The following STK32A variants were observed in gnomAD, a reference collection of about 807,000 sequenced individuals.
STK32A encodes serine/threonine kinase 32A.
STK32A carries 41 observed loss-of-function variants against 53.2 expected under a neutral mutation model. The ratio of observed to expected loss-of-function variants is 0.77; its 90% confidence interval spans 0.60 to 1.00. The LOEUF is 1.00. Ranked by LOEUF, STK32A falls within the 50% of genes least tolerant of loss-of-function variation. The pLI is 0.00. For missense variants in STK32A, 458 were observed against 485.8 expected (o/e 0.94, Z 0.54); for synonymous variants, 166 against 162.8 (o/e 1.02, Z -0.15).
intron 4 of STK32A, among the ~76,000 whole-genome samples, chr5:147,303,746 A>T (rs1344003826): frequency 6.6e-6 from 1 of 152,232 alleles, no homozygotes; most frequent in Non-Finnish European, 1.5e-5. Flanking sequence ...GAGTCCTTGT[A>T]GTGCTCTGAA....
intron 7 of STK32A, among the ~76,000 whole-genome samples, chr5:147,355,649 G>A (rs766422255): frequency 6.6e-6 from 1 of 152,020 alleles, no homozygotes; most frequent in African/African-American, 2.4e-5. Context: ...CTGCACTCCA[G>A]GCTGGGCGAC....
chr5:147,301,942 C>T (rs377417309), intron 4 of STK32A, among the ~76,000 whole-genome samples: 1 of 152,314 alleles, frequency 6.6e-6, no homozygotes, highest in East Asian at 1.9e-4. Flanking sequence ...CTTCAAACCT[C>T]TCTCTGACTC....
chr5:147,356,177 A>G (rs1400765171), intron 7 of STK32A, among the ~76,000 whole-genome samples: 2 of 152,158 alleles, frequency 1.3e-5, no homozygotes, highest in Non-Finnish European at 2.9e-5. Context: ...TTGGCAGAGC[A>G]TGAAATTAAA....
chr5:147,345,340 T>C (rs1053723974), intron 6 of STK32A, among the ~76,000 whole-genome samples: 4 of 152,238 alleles, frequency 2.6e-5, no homozygotes, highest in Non-Finnish European at 4.4e-5. Flanking sequence ...GCAATGACTG[T>C]CACAAAGAAA....
chr5:147,343,575 A>C (rs1481793563), intron 6 of STK32A, among the ~76,000 whole-genome samples: 1 of 152,246 alleles, frequency 6.6e-6, no homozygotes, highest in South Asian at 2.1e-4. Context: ...CATTGTAAAG[A>C]CTGACCTAAT....
intron 5 of STK32A, among the ~76,000 whole-genome samples, chr5:147,326,758 A>T (rs1487132294): frequency 6.6e-6 from 1 of 152,218 alleles, no homozygotes; most frequent in African/African-American, 2.4e-5. Flanking sequence ...CCAAACCAGG[A>T]TACTCTGAGA....
At chr5:147,264,513 T>C (rs1004091490) in intron 2 of STK32A, among the ~76,000 whole-genome samples, 3 of 152,148 alleles carry the variant, frequency 2.0e-5, no homozygotes, top group Non-Finnish European at 2.9e-5. Flanking sequence ...AAGCCAAAAA[T>C]TGTGCAAGAA....
At chr5:147,373,056 A>G in intron 9 of STK32A, 113 bp from the exon 10 acceptor site, 1 of 1,268,470 alleles carries the variant, frequency 7.9e-7, no homozygotes, top group Middle Eastern at 2.0e-4. Context: ...GATAGGGGAC[A>G]CTGTCTATTT....
At chr5:147,249,692 C>G (rs111994063) in intron 2 of STK32A, among the ~76,000 whole-genome samples, 42 of 151,798 alleles carry the variant, frequency 2.8e-4, no homozygotes, top group Non-Finnish European at 5.9e-4. Context: ...GGGGGTGGAT[C>G]GCCTGAGGTC....
intron 7 of STK32A, among the ~76,000 whole-genome samples, chr5:147,353,197 C>A (rs948155556): frequency 3.3e-5 from 5 of 152,128 alleles, no homozygotes; most frequent in African/African-American, 1.2e-4. Flanking sequence ...GATAGAAGGA[C>A]GTGTGTGAGA....
At chr5:147,281,396 T>A (rs1325825168) in intron 4 of STK32A, among the ~76,000 whole-genome samples, 1 of 152,014 alleles carries the variant, frequency 6.6e-6, no homozygotes, top group Non-Finnish European at 1.5e-5. Context: ...AGCAAATAGA[T>A]AGCTTAAAGA....
At chr5:147,314,748 T>A (rs1753907689) in intron 4 of STK32A, among the ~76,000 whole-genome samples, 1 of 150,238 alleles carries the variant, frequency 6.7e-6, no homozygotes, top group South Asian at 2.1e-4. Context: ...TTCTTTTTTT[T>A]TTTTTTTGAG....
At chr5:147,338,099 G>A (rs1356978485) in intron 5 of STK32A, among the ~76,000 whole-genome samples, 1 of 152,094 alleles carries the variant, frequency 6.6e-6, no homozygotes, top group Admixed American at 6.5e-5. Context: ...TTATGATATG[G>A]ATGTGTTTTT....
intron 4 of STK32A, among the ~76,000 whole-genome samples, chr5:147,315,001 C>T (rs1474893449): frequency 2.0e-5 from 3 of 152,008 alleles, no homozygotes; most frequent in East Asian, 3.9e-4. Context: ...TGCCTCAGCC[C>T]CCCAAAGTGC....
At chr5:147,375,920 G>A (rs1757213309) in intron 11 of STK32A, 1 of 152,126 alleles carries the variant, frequency 6.6e-6, no homozygotes, top group Non-Finnish European at 1.5e-5. Flanking sequence ...TGCCTCTAAA[G>A]GTCATCTATC....
At chr5:147,365,369 C>T (rs1245112523) in intron 8 of STK32A, among the ~76,000 whole-genome samples, 1 of 152,146 alleles carries the variant, frequency 6.6e-6, no homozygotes, top group Non-Finnish European at 1.5e-5. Context: ...GTCATTGTAG[C>T]ACTATTTCTT....
chr5:147,348,038 T>C (rs1332965292), intron 6 of STK32A, among the ~76,000 whole-genome samples: 4 of 152,242 alleles, frequency 2.6e-5, no homozygotes, highest in Non-Finnish European at 5.9e-5. Context: ...TTCAGTTCTT[T>C]GATCTTGTGA....
the STK32A span, chr5:147,395,511 CTT>C: frequency 6.4e-7 from 1 of 1,564,836 alleles, no homozygotes; most frequent in East Asian, 2.4e-5. Context: ...GAACATTGAT[CTT>C]CCCCTTCCCC....
At chr5:147,359,081 C>T (rs1035316253) in intron 7 of STK32A, among the ~76,000 whole-genome samples, 2 of 152,094 alleles carry the variant, frequency 1.3e-5, no homozygotes, top group Non-Finnish European at 2.9e-5. Context: ...TATAGAAATA[C>T]ATAATGAGCA....
Sources: gnomAD v4.1 joint callset for allele counts (sites outside exome capture counted in the v4.1 genomes callset) on GRCh38, gnomAD v4.1.1 for gene constraint, MANE v1.5 for transcripts, NCBI Gene and HGNC (gene_info 2026-07-23, HGNC 2026-07-21) for gene names.